ARPC5L: variants seen among roughly 807,000 people sequenced by gnomAD.
ARPC5L encodes the protein actin related protein 2/3 complex subunit 5 like.
A neutral mutation model predicts 16.9 loss-of-function variants in ARPC5L; 4 were observed. The observed-to-expected ratio is 0.24, with a 90% CI of 0.12 to 0.54. The LOEUF (loss-of-function observed/expected upper bound fraction) is 0.54. Among genes scored for constraint, ARPC5L ranks in the 20% least tolerant of loss-of-function variants. The probability of loss-of-function intolerance (pLI) is 0.95; values close to 1 mark genes in which losing one functional copy is unlikely to be tolerated. For synonymous variants in ARPC5L, 78 were observed against 82.6 expected, an observed-to-expected ratio of 0.94 and a Z score of 0.30; for missense variants, 151 against 201.9, an observed-to-expected ratio of 0.75 and a Z score of 1.53.
chr9:124,876,991 C>A lies in ARPC5L; in HGVS notation c.*51C>A, dbSNP rs377289265. The A allele has an allele frequency of 2.5e-5, 38 of 1,497,748 alleles. 1 individual carries two copies. The African/African-American group carries it at 4.7e-4, about 19-fold the overall frequency. The allele number at this position is 1,497,748 out of a possible 1,614,324, so 92.8% of individuals were successfully genotyped here. ...TTGAGAAGAATTCTGGATGCCCAGG[C>A]TGGTGAAGAAGGGATTGACAATGGA... On this transcript the variant is annotated 3_prime_UTR_variant, in exon 6 of 6. Coordinates refer to ENST00000353214, the MANE Select transcript of ARPC5L (RefSeq NM_030978.3).
At chr9:124,867,205 G>C (rs976640057) in intron 2 of ARPC5L, among the ~76,000 whole-genome samples, 1 of 148,300 alleles carries the variant, frequency 6.7e-6, no homozygotes, top group Non-Finnish European at 1.5e-5. Flanking sequence ...GCAATGGTGT[G>C]ATCTCAGCTC....
intron 3 of ARPC5L, among the ~76,000 whole-genome samples, chr9:124,870,793 A>T (rs1381964829): frequency 2.6e-5 from 4 of 152,190 alleles, no homozygotes; most frequent in Non-Finnish European, 5.9e-5. Context: ...AGATGAGATC[A>T]AGCCTGTCAG....
At chr9:124,869,796 C>T (rs1358993592) in intron 3 of ARPC5L, among the ~76,000 whole-genome samples, 2 of 152,228 alleles carry the variant, frequency 1.3e-5, no homozygotes, top group Non-Finnish European at 2.9e-5. Context: ...CCGTCCCTCC[C>T]TTGCAGGAAA....
In ARPC5L at chr9:124,869,115, A is replaced by G. The variant is rs1470965927; in HGVS notation, c.-176A>G. Reference sequence around the variant, plus strand: ...GCCCCGCCCCTGACGGCGCTTCCGGATCCGGCGGGTGCCGGAAGTGGGCGG... The same window carrying G: ...GCCCCGCCCCTGACGGCGCTTCCGGGTCCGGCGGGTGCCGGAAGTGGGCGG... On this transcript the variant is annotated 5_prime_UTR_variant, in exon 3 of 6. Coordinates refer to ENST00000353214, the MANE Select transcript of ARPC5L (RefSeq NM_030978.3). The G allele has an allele frequency of 4.1e-6, 3 of 723,892 alleles. No individual in the cohort carries two copies. Among genetic ancestry groups the G allele is most frequent in the Admixed American group, 8.9e-5 (2 of 22,408 alleles). 44.8% of individuals were successfully genotyped at this position (723,892 alleles called of 1,614,324 possible). A position where few individuals can be genotyped will look rare whatever the true frequency, so the allele number is the denominator to read the frequency against.
At chr9:124,873,567 G>GT (rs1829390401) in intron 3 of ARPC5L, 125 bp from the exon 4 acceptor site, 7 of 1,080,006 alleles carry the variant, frequency 6.5e-6, no homozygotes, top group Non-Finnish European at 9.8e-6. Context: ...CCTGGAAGCC[G>GT]TGGAAGGTGG....
intron 4 of ARPC5L, 136 bp from the exon 5 acceptor site, chr9:124,874,839 C>T (rs1829409223): frequency 9.8e-7 from 1 of 1,021,740 alleles, no homozygotes; most frequent in Admixed American, 2.2e-5. Flanking sequence ...ACGTTCTAAC[C>T]CACTTATTTT....
At chr9:124,873,577 G>A in intron 3 of ARPC5L, 115 bp from the exon 4 acceptor site, 1 of 1,171,424 alleles carries the variant, frequency 8.5e-7, no homozygotes, top group Non-Finnish European at 1.3e-6. Flanking sequence ...GTGGAAGGTG[G>A]GTGGTATGGA....
intron 1 of ARPC5L, among the ~76,000 whole-genome samples, chr9:124,862,641 C>CGAGTAGCT (rs755548805): frequency 3.5e-4 from 53 of 151,714 alleles, no homozygotes; most frequent in Non-Finnish European, 4.6e-4. Flanking sequence ...CCCAGCCTCC[C>CGAGTAGCT]GAGTAGCTGA....
rs370697709 is a variant in ARPC5L at position 124,876,252 on chromosome 9, G to A, written c.400-626G>A. Among the ~76,000 whole-genome samples the A allele has an allele frequency of 5.3e-5, 8 of 152,204 alleles. 1 individual carries two copies. The highest frequency in any genetic ancestry group is 1.4e-4 in the African/African-American group (6 of 41,548). On this transcript the variant is annotated intron_variant, in intron 5 of 5. Coordinates refer to ENST00000353214, the MANE Select transcript of ARPC5L (RefSeq NM_030978.3). ...CTGTAATCCCAGCATTTTGGGAGAC[G>A]GAGGCAGGCGGATGACCTGAGGTCA...
intron 4 of ARPC5L, among the ~76,000 whole-genome samples, chr9:124,873,993 C>T (rs921001824): frequency 2.6e-5 from 4 of 152,220 alleles, no homozygotes; most frequent in Non-Finnish European, 5.9e-5. Flanking sequence ...CTCCTGCTCA[C>T]GGCCTCGTAG....
At position 124,862,150 on chromosome 9, in the gene ARPC5L, C is replaced by A. The variant is rs573999222; in HGVS notation, c.-1232C>A. On this transcript the variant is annotated 5_prime_UTR_variant, in exon 1 of 6. Transcript: ENST00000353214. ...GCCTCATTCACGGCACCCCTGATAG[C>A]GAGGTCGGCGTCACGGTGTAGGCGC... 1.0e-5 allele frequency: 5 copies of A among 478,938 alleles called. No homozygotes were observed. The South Asian group carries it at 1.5e-4, about 15-fold the overall frequency. The allele number at this position is 478,938 out of a possible 1,614,324, so 29.7% of individuals were successfully genotyped here.
In ARPC5L at chr9:124,875,092, A is replaced by G; in HGVS notation, c.340A>G (p.Lys114Glu). Reference sequence around the variant, plus strand: ...TGACTTGTTAATGAAGTACATTTATAAAGGCTTTGAGAAGCCCACAGAAAA... The same window carrying G: ...TGACTTGTTAATGAAGTACATTTATGAAGGCTTTGAGAAGCCCACAGAAAA... ...GVDLLMKYIY[K>E]GFEKPTENSS... is the part of the protein sequence containing the mutation. Residue 114 changes from lysine (K) to glutamate (E), a missense_variant, in exon 5 of 6, where the codon AAA becomes GAA. By Grantham distance (56) the Lys-to-Glu change is moderately conservative. Coordinates refer to ENST00000353214, the MANE Select transcript of ARPC5L (RefSeq NM_030978.3). 1.2e-6 allele frequency: 2 copies of G among 1,614,160 alleles called. No homozygotes were observed. The highest frequency in any genetic ancestry group is 1.1e-5 in the South Asian group (1 of 91,086).
Position 124,869,078 on chromosome 9 carries a change from G to A in ARPC5L, c.-213G>A, listed in dbSNP as rs563109092. ...GCGGTGATCCCATACCGCACTCCAG[G>A]TGCCAGGCTCCGCCCCGCCCCTGAC... On this transcript the variant is annotated 5_prime_UTR_variant, in exon 3 of 6. The change creates a new upstream start codon in the 5' untranslated region. Transcript: ENST00000353214. 2.7e-5 allele frequency: 12 copies of A among 443,798 alleles called. No homozygotes were observed. Among genetic ancestry groups the A allele is most frequent in the African/African-American group, 2.1e-4 (10 of 48,432 alleles). The allele number at this position is 443,798 out of a possible 1,614,324, so 27.5% of individuals were successfully genotyped here. A position where few individuals can be genotyped will look rare whatever the true frequency, so the allele number is the denominator to read the frequency against.
chr9:124,876,806 G>C, intron 5 of ARPC5L, 72 bp from the exon 6 acceptor site: 11 of 1,275,210 alleles, frequency 8.6e-6, no homozygotes, highest in Non-Finnish European at 1.1e-5. Flanking sequence ...TGTCCCCCCT[G>C]TCTCTGGCAA....
At chr9:124,876,586 G>C (rs1427018302) in intron 5 of ARPC5L, among the ~76,000 whole-genome samples, 1 of 152,224 alleles carries the variant, frequency 6.6e-6, no homozygotes, top group East Asian at 1.9e-4. Flanking sequence ...GCAGTGAGCT[G>C]TGATCTGGGC....
chr9:124,875,154 A>T lies in ARPC5L; in HGVS notation c.399+3A>T. 6.2e-7 allele frequency: 1 copy of T among 1,612,322 alleles called. No homozygotes were observed. Among genetic ancestry groups the T allele is most frequent in the South Asian group, 1.1e-5 (1 of 90,982 alleles). On this transcript the variant is annotated splice_donor_region_variant and intron_variant, in intron 5 of 5. Coordinates refer to ENST00000353214, the MANE Select transcript of ARPC5L (RefSeq NM_030978.3). ...TGTTACTCCAGTGGCACGAAAAGGT[A>T]TGTGAACGCTGCCACGCGCCCCAGT... is the stretch of plus-strand genomic sequence containing the variant.
intron 4 of ARPC5L, 133 bp downstream of exon 4, chr9:124,873,897 C>T (rs1829397121): frequency 1.0e-6 from 1 of 979,740 alleles, no homozygotes; most frequent in Non-Finnish European, 1.6e-6. Context: ...CCAGGGAAGC[C>T]TCCTGGCGCT....
rs367961934 is a variant in ARPC5L at position 124,872,391 on chromosome 9, C to G, written c.150-1301C>G. Among the ~76,000 whole-genome samples, 3 of 152,150 alleles carry G rather than the reference C, an allele frequency of 2.0e-5. No individual in the cohort carries two copies. In the South Asian group the frequency reaches 6.2e-4, roughly 32 times the overall value. ...CGGACAGATCACGAGGTCAGGAGATCGAGACCATCCTGGCTAACACAGTGA... is the reference window on the plus strand; with the variant it reads ...CGGACAGATCACGAGGTCAGGAGATGGAGACCATCCTGGCTAACACAGTGA... On this transcript the variant is annotated intron_variant, in intron 3 of 5. Transcript: ENST00000353214.
At chr9:124,865,890 A>G (rs920683803) in intron 2 of ARPC5L, among the ~76,000 whole-genome samples, 2 of 151,622 alleles carry the variant, frequency 1.3e-5, no homozygotes, top group African/African-American at 4.9e-5. Context: ...GCAGATCATG[A>G]GGTCACGAGT....
Sources: gnomAD v4.1 joint callset for allele counts (sites outside exome capture counted in the v4.1 genomes callset) on GRCh38, gnomAD v4.1.1 for gene constraint, MANE v1.5 for transcripts, NCBI Gene and HGNC (gene_info 2026-07-23, HGNC 2026-07-21) for gene names.